The following GRID1 variants were observed in gnomAD, a reference collection of about 807,000 sequenced individuals.
The protein encoded by GRID1 is glutamate ionotropic receptor delta type subunit 1.
A neutral mutation model predicts 98.0 loss-of-function variants in GRID1; 28 were observed. The observed-to-expected ratio is 0.29, with a 90% CI of 0.21 to 0.39. The LOEUF is 0.39. GRID1 is among the 10% of genes least tolerant of loss of function. GRID1 has a pLI of 1.00. For missense variants in GRID1, 1,111 were observed against 1,340.5 expected (o/e 0.83, Z 2.67); for synonymous variants, 553 against 538.5 (o/e 1.03, Z -0.37).
chr10:86,161,281 A>T (rs1234543000), intron 3 of GRID1, among the ~76,000 whole-genome samples: 1 of 152,212 alleles, frequency 6.6e-6, no homozygotes, highest in East Asian at 1.9e-4. Flanking sequence ...ATTCAGGCAC[A>T]TTCAGGTAGC....
At chr10:86,043,028 C>T (rs114689129) in intron 4 of GRID1, among the ~76,000 whole-genome samples, 4,148 of 151,666 alleles carry the variant, frequency 0.027, 158 homozygotes, top group African/African-American at 0.084. Flanking sequence ...AAGGCAGCAG[C>T]GAGCCGAGAT....
chr10:85,630,921 AGTATT>A (rs1439496626), intron 13 of GRID1, among the ~76,000 whole-genome samples: 2 of 152,228 alleles, frequency 1.3e-5, no homozygotes, highest in Non-Finnish European at 2.9e-5. Context: ...AAAGGGAGAT[AGTATT>A]AAAGCTCTAG....
chr10:86,109,096 C>T (rs565063902), intron 4 of GRID1, among the ~76,000 whole-genome samples: 5 of 152,314 alleles, frequency 3.3e-5, no homozygotes, highest in African/African-American at 1.2e-4. Flanking sequence ...CTTTTTTAAG[C>T]AAACGTTCTT....
chr10:86,189,078 C>A (rs531154054), intron 3 of GRID1, among the ~76,000 whole-genome samples: 15 of 152,258 alleles, frequency 9.9e-5, no homozygotes, highest in African/African-American at 3.1e-4. Flanking sequence ...TTTCCTGCAT[C>A]TCAACACCCA....
intron 3 of GRID1, among the ~76,000 whole-genome samples, chr10:86,144,015 G>A (rs776354165): frequency 1.3e-5 from 2 of 152,042 alleles, no homozygotes; most frequent in Admixed American, 6.5e-5. Context: ...GCACCCACCC[G>A]TTCCTTCTTC....
intron 4 of GRID1, among the ~76,000 whole-genome samples, chr10:86,121,512 CA>C (rs371931470): frequency 1.3e-5 from 2 of 148,552 alleles, no homozygotes; most frequent in African/African-American, 2.5e-5. Context: ...TCACCATCAT[CA>C]TCACTACCAT....
At chr10:85,622,844 T>C (rs1042626152) in intron 13 of GRID1, among the ~76,000 whole-genome samples, 10 of 152,188 alleles carry the variant, frequency 6.6e-5, no homozygotes, top group African/African-American at 2.4e-4. Context: ...TCTTACCCAT[T>C]TGATATTTCT....
chr10:86,022,175 G>A (rs551029483), intron 4 of GRID1, among the ~76,000 whole-genome samples: 4 of 152,032 alleles, frequency 2.6e-5, no homozygotes, highest in South Asian at 2.1e-4. Context: ...TAATCTAAAC[G>A]CTAAATTTTC....
chr10:86,112,135 C>T (rs1252781260), intron 4 of GRID1, among the ~76,000 whole-genome samples: 1 of 152,136 alleles, frequency 6.6e-6, no homozygotes, highest in Non-Finnish European at 1.5e-5. Flanking sequence ...GGTGAGGACA[C>T]AGCACCTCAT....
chr10:86,337,487 A>G (rs1848239488), intron 2 of GRID1, among the ~76,000 whole-genome samples: 3 of 151,890 alleles, frequency 2.0e-5, no homozygotes, highest in African/African-American at 7.3e-5. Context: ...GGAGGCACTG[A>G]CCCTCCCACG....
Position 85,786,809 on chromosome 10 carries a change from C to T in GRID1, c.1234-57195G>A, listed in dbSNP as rs150320727. ...TGTGCAGAAGGCAATGAACCTGCTGCGAGTGTTGGGTGTCACTATGGCCTC... is the reference window on the plus strand; with the variant it reads ...TGTGCAGAAGGCAATGAACCTGCTGTGAGTGTTGGGTGTCACTATGGCCTC... On this transcript the variant is annotated intron_variant, in intron 8 of 15. Coordinates refer to ENST00000327946, the MANE Select transcript of GRID1 (RefSeq NM_017551.3). 3.9e-5 allele frequency among the ~76,000 whole-genome samples: 6 copies of T among 152,318 alleles called. No individual in the cohort carries two copies. The East Asian group carries it at 9.6e-4, about 24-fold the overall frequency.
chr10:85,617,697 T>C (rs1842808374), intron 14 of GRID1, among the ~76,000 whole-genome samples: 2 of 152,196 alleles, frequency 1.3e-5, no homozygotes, highest in South Asian at 4.1e-4. Context: ...ACAGAGCACA[T>C]GCCTTCTGAT....
intron 15 of GRID1, among the ~76,000 whole-genome samples, chr10:85,607,707 T>A (rs1209731870): frequency 1.3e-5 from 2 of 151,716 alleles, no homozygotes; most frequent in Non-Finnish European, 2.9e-5. Flanking sequence ...AGGCTAGGGG[T>A]AAGGCAGCTT....
At chr10:86,032,353 A>G (rs1377706817) in intron 4 of GRID1, among the ~76,000 whole-genome samples, 1 of 152,230 alleles carries the variant, frequency 6.6e-6, no homozygotes, top group Non-Finnish European at 1.5e-5. Flanking sequence ...AGAACGGGCC[A>G]TGATGACGAT....
At chr10:85,628,655 A>G (rs1474306483) in intron 13 of GRID1, among the ~76,000 whole-genome samples, 1 of 152,214 alleles carries the variant, frequency 6.6e-6, no homozygotes, top group Non-Finnish European at 1.5e-5. Flanking sequence ...CCTGCTACCC[A>G]AAGAATGAAA....
chr10:86,312,656 A>C (rs903792723), intron 2 of GRID1, among the ~76,000 whole-genome samples: 8 of 152,268 alleles, frequency 5.3e-5, no homozygotes, highest in African/African-American at 1.9e-4. Context: ...CCTTTCTTCA[A>C]ATCACTGTCG....
In GRID1 at chr10:85,911,267, G is replaced by C. The variant is rs80236768; in HGVS notation, c.780+4919C>G. Reference sequence around the variant, plus strand: ...CTCTGAGATCAGGAGCACCAAGAGAGAACCAGTTTTGGGGAGGATGGTGAG... The same window carrying C: ...CTCTGAGATCAGGAGCACCAAGAGACAACCAGTTTTGGGGAGGATGGTGAG... On this transcript the variant is annotated intron_variant, in intron 5 of 15. Coordinates refer to ENST00000327946, the MANE Select transcript of GRID1 (RefSeq NM_017551.3). Among the ~76,000 whole-genome samples, 306 of 152,292 alleles carry C rather than the reference G, an allele frequency of 2.0e-3. 3 individuals are homozygous for C. Among genetic ancestry groups the C allele is most frequent in the African/African-American group, 7.0e-3 (291 of 41,554 alleles).
chr10:86,332,007 AGAC>A (rs981885821), intron 2 of GRID1, among the ~76,000 whole-genome samples: 1 of 152,234 alleles, frequency 6.6e-6, no homozygotes, highest in Non-Finnish European at 1.5e-5. Context: ...AGGACAGACC[AGAC>A]GGAGGCTGCA....
chr10:86,238,143 G>A (rs907253323), intron 2 of GRID1, among the ~76,000 whole-genome samples: 13 of 152,226 alleles, frequency 8.5e-5, no homozygotes, highest in African/African-American at 2.9e-4. Context: ...CAAGCAGGCT[G>A]CAGAAATTTG....
Sources: allele counts gnomAD v4.1 joint callset (sites outside exome capture counted in the v4.1 genomes callset), GRCh38; gene constraint gnomAD v4.1.1; transcripts MANE v1.5; gene names NCBI Gene and HGNC (gene_info 2026-07-23, HGNC 2026-07-21).